The following EPS15L1 variants were observed in gnomAD, a reference collection of about 807,000 sequenced individuals.
EPS15L1 encodes the protein epidermal growth factor receptor substrate 15-like 1.
Under a neutral mutation model 117.1 loss-of-function variants are expected in EPS15L1, and 43 were observed. The ratio of observed to expected loss-of-function variants is 0.37; its 90% confidence interval spans 0.29 to 0.47. The LOEUF is 0.47. Ranked by LOEUF, EPS15L1 falls within the 20% of genes least tolerant of loss-of-function variation. EPS15L1 has a pLI of 0.99. For synonymous variants in EPS15L1, 459 were observed against 470.5 expected, an observed-to-expected ratio of 0.98 and a Z score of 0.32; for missense variants, 981 against 1,164.0, an observed-to-expected ratio of 0.84 and a Z score of 2.29.
At chr19:16,440,961 T>G in intron 3 of EPS15L1, 52 bp from the exon 4 acceptor site, 1 of 1,594,332 alleles carries the variant, frequency 6.3e-7, no homozygotes, top group Non-Finnish European at 8.6e-7. Flanking sequence ...ACTGTCCACG[T>G]GTTAACAAAA....
upstream of EPS15L1, chr19:16,471,981 C>A (rs1460902716): frequency 2.4e-6 from 3 of 1,261,866 alleles, no homozygotes; most frequent in South Asian, 5.6e-5. This position sits in a 1 kb window ranked among gnomAD's most constrained non-coding sequence, Gnocchi z 4.8. Flanking sequence ...GCCGGGGGAA[C>A]GGGGGCGGGG....
chr19:16,436,312 C>T (rs1408706458), intron 6 of EPS15L1, among the ~76,000 whole-genome samples: 1 of 152,176 alleles, frequency 6.6e-6, no homozygotes, highest in Non-Finnish European at 1.5e-5. Context: ...CCTGATGTTA[C>T]TTGGAGGGAC....
At chr19:16,447,406 A>C (rs2093094630) in intron 1 of EPS15L1, among the ~76,000 whole-genome samples, 2 of 152,198 alleles carry the variant, frequency 1.3e-5, no homozygotes, top group African/African-American at 4.8e-5. Flanking sequence ...AGAGAGAGGC[A>C]ATTCAGAAAG....
rs1386760248 is a variant in EPS15L1 at position 16,402,069 on chromosome 19, C to T, written c.1791+252G>A. ...TAAATACTTCCGCAGAGATGGAGGG[C>T]ATTCAAAACAGGTTCTGAAAGGATC... On this transcript the variant is annotated intron_variant, in intron 16 of 23. Transcript: ENST00000455140. 3.2e-6 allele frequency: 4 copies of T among 1,241,486 alleles called. No homozygotes were observed. The African/African-American group carries it at 4.6e-5, about 14-fold the overall frequency. The allele number at this position is 1,241,486 out of a possible 1,614,324, so 76.9% of individuals were successfully genotyped here.
At chr19:16,424,017 T>C (rs546571360) in intron 9 of EPS15L1, among the ~76,000 whole-genome samples, 1 of 152,352 alleles carries the variant, frequency 6.6e-6, no homozygotes, top group African/African-American at 2.4e-5. Flanking sequence ...AAATTGACTA[T>C]AAACCCAACA....
intron 22 of EPS15L1, among the ~76,000 whole-genome samples, chr19:16,369,623 C>A (rs1169994423): frequency 1.3e-5 from 2 of 151,406 alleles, no homozygotes; most frequent in Non-Finnish European, 2.9e-5. Context: ...GCTCCCATGA[C>A]ATTTACATAA....
At position 16,370,141 on chromosome 19, in the gene EPS15L1, C is replaced by T. The variant is rs765266245; in HGVS notation, c.2380+6981G>A. On this transcript the variant is annotated intron_variant, in intron 22 of 23. Transcript: ENST00000455140. The surrounding 1 kb of genome is among the most constrained non-coding windows in gnomAD (Gnocchi z 5.2). ...GCCCCTGGGAGGGGAGCAAGTGAGG[C>T]GCAGAGCCCACCAGGAGCTCCCATG... 6.6e-6 allele frequency among the ~76,000 whole-genome samples: 1 copy of T among 152,216 alleles called. No individual in the cohort carries two copies. The highest frequency in any genetic ancestry group is 1.5e-5 in the Non-Finnish European group (1 of 68,028).
chr19:16,395,293 G>A (rs769530395), intron 17 of EPS15L1, 51 bp downstream of exon 17: 22 of 1,554,816 alleles, frequency 1.4e-5, no homozygotes, highest in East Asian at 6.9e-5. Context: ...CTCTAAATTC[G>A]ACATAAAACA....
Position 16,355,566 on chromosome 19 carries a change from T to C in EPS15L1, c.*139A>G. Reference sequence around the variant, plus strand: ...GACCTTTCCAGGTCTTGCAGCCGAGTCTGCTCACCCTGAACAAGCCCCCGA... The same window carrying C: ...GACCTTTCCAGGTCTTGCAGCCGAGCCTGCTCACCCTGAACAAGCCCCCGA... On this transcript the variant is annotated 3_prime_UTR_variant, in exon 24 of 24. Transcript: ENST00000455140. 4.5e-6 allele frequency: 5 copies of C among 1,119,132 alleles called. No homozygotes were observed. Among genetic ancestry groups the C allele is most frequent in the Non-Finnish European group, 6.2e-6 (5 of 810,866 alleles). 69.3% of individuals were successfully genotyped at this position (1,119,132 alleles called of 1,614,324 possible).
chr19:16,402,849 T>C (rs1238467948), intron 15 of EPS15L1, among the ~76,000 whole-genome samples: 1 of 152,150 alleles, frequency 6.6e-6, no homozygotes, highest in Non-Finnish European at 1.5e-5. Flanking sequence ...CCTCCTAAAG[T>C]GCTGGGATGA....
At chr19:16,429,232 G>GGT (rs2144998950) in intron 7 of EPS15L1, among the ~76,000 whole-genome samples, 1 of 152,220 alleles carries the variant, frequency 6.6e-6, no homozygotes, top group African/African-American at 2.4e-5. Flanking sequence ...AGCAGTGGAT[G>GGT]GTGAGACAGG....
intron 4 of EPS15L1, 50 bp downstream of exon 4, chr19:16,440,812 T>C (rs1443056456): frequency 1.1e-5 from 17 of 1,563,388 alleles, no homozygotes; most frequent in East Asian, 6.7e-5. Context: ...TCACCCAGCC[T>C]GGGGGCTCTG....
chr19:16,413,256 T>TG (rs2092724874), intron 13 of EPS15L1: 1 of 645,148 alleles, frequency 1.6e-6, no homozygotes, highest in Non-Finnish European at 2.8e-6. Flanking sequence ...GACAGGCCAC[T>TG]GCAACTCTGT....
intron 1 of EPS15L1, among the ~76,000 whole-genome samples, chr19:16,456,046 T>C (rs1444155646): frequency 1.3e-5 from 2 of 151,504 alleles, no homozygotes. Flanking sequence ...ACTAAAAATA[T>C]AAAATTAGCT....
intron 1 of EPS15L1, among the ~76,000 whole-genome samples, chr19:16,462,796 C>T (rs971785847): frequency 7.2e-5 from 11 of 152,192 alleles, no homozygotes; most frequent in Admixed American, 5.2e-4. Flanking sequence ...GGACACTGGT[C>T]CACGCAGTGT....
chr19:16,444,727 GT>G (rs561228808), intron 1 of EPS15L1, among the ~76,000 whole-genome samples: 582 of 140,470 alleles, frequency 4.1e-3, no homozygotes, highest in Admixed American at 5.8e-3. Flanking sequence ...TTCCAGACAA[GT>G]TTTTTTTTTT....
At chr19:16,407,462 C>A (rs182518063) in intron 13 of EPS15L1, among the ~76,000 whole-genome samples, 1 of 152,128 alleles carries the variant, frequency 6.6e-6, no homozygotes. Context: ...CACGCCACCA[C>A]GCCCAGTTGC....
rs2092380245 is a variant in EPS15L1, at chr19:16,383,089, C to T, written c.2247+2040G>A. 6.6e-6 allele frequency: 1 copy of T among 152,132 alleles called. No individual in the cohort carries two copies. The highest frequency in any genetic ancestry group is 1.5e-5 in the Non-Finnish European group (1 of 68,044). 9.4% of individuals were successfully genotyped at this position (152,132 alleles called of 1,614,324 possible). A position where few individuals can be genotyped will look rare whatever the true frequency, so the allele number is the denominator to read the frequency against. On this transcript the variant is annotated intron_variant, in intron 21 of 23. Transcript: ENST00000455140. The surrounding 1 kb of genome is among the most constrained non-coding windows in gnomAD (Gnocchi z 5.2). ...ACAGAGCTGCAAGGTCAGGGTTGAG[C>T]TCAGAATGCGGCTGTACAAGTGTCA... is the stretch of plus-strand genomic sequence containing the variant.
At chr19:16,361,585 CTTT>C (rs774439435) in intron 23 of EPS15L1, 191 bp downstream of exon 23, 3 of 1,091,178 alleles carry the variant, frequency 2.7e-6, no homozygotes, top group East Asian at 3.4e-5. Flanking sequence ...AACTGCGGCT[CTTT>C]TTTTTTTTAT....
Sources: gnomAD v4.1 joint callset for allele counts (sites outside exome capture counted in the v4.1 genomes callset) on GRCh38, gnomAD v4.1.1 for gene constraint, Gnocchi (gnomAD v3.1) non-coding constraint, MANE v1.5 for transcripts, NCBI Gene and HGNC (gene_info 2026-07-23, HGNC 2026-07-21) for gene names.